STN1: variants seen among roughly 807,000 people sequenced by gnomAD.
The protein encoded by STN1 is CST complex subunit STN1.
A neutral mutation model predicts 45.5 loss-of-function variants in STN1; 29 were observed. The ratio of observed to expected loss-of-function variants is 0.64; its 90% CI spans 0.47 to 0.87. The LOEUF (loss-of-function observed/expected upper bound fraction) is 0.87, where lower values mean the gene tolerates loss of function less well. STN1 is among the 40% of genes least tolerant of loss of function. The probability of loss-of-function intolerance (pLI) is 0.00; values close to 1 mark genes in which losing one functional copy is unlikely to be tolerated. For missense variants in STN1, 376 were observed against 441.4 expected (o/e 0.85, Z 1.33); for synonymous variants, 148 against 159.0 (o/e 0.93, Z 0.52).
rs766902785 is a variant in STN1 at position 103,882,771 on chromosome 10, GCTCA to G, written c.1016_1019del (p.Leu339ProfsTer73). 6.2e-7 allele frequency: 1 copy of G among 1,614,044 alleles called. No individual in the cohort carries two copies. Among genetic ancestry groups the G allele is most frequent in the Non-Finnish European group, 8.5e-7 (1 of 1,180,056 alleles). Reference sequence around the variant, plus strand: ...CCAGAACTTGCTGCAGCACAGCCTCGCTCAGGCCCGGGCGGATGCTCAGGCGAGC... The same window carrying G: ...CCAGAACTTGCTGCAGCACAGCCTCGGGCCCGGGCGGATGCTCAGGCGAGC... On this transcript the variant is annotated frameshift_variant, in exon 10 of 10. Transcript: ENST00000224950. LOFTEE classifies it high-confidence loss of function.
intron 7 of STN1, among the ~76,000 whole-genome samples, chr10:103,896,932 G>A (rs1001615822): frequency 6.6e-6 from 1 of 152,110 alleles, no homozygotes; most frequent in African/African-American, 2.4e-5. Flanking sequence ...TCATTGAGAT[G>A]GATGTTTAAT....
chr10:103,883,473 C>G (rs1843084198), intron 9 of STN1, among the ~76,000 whole-genome samples: 1 of 152,044 alleles, frequency 6.6e-6, no homozygotes, highest in Non-Finnish European at 1.5e-5. Context: ...TAGTTGAAAT[C>G]AATGACTTAA....
At chr10:103,916,162 C>T (rs1843329711) in intron 2 of STN1, among the ~76,000 whole-genome samples, 2 of 152,204 alleles carry the variant, frequency 1.3e-5, no homozygotes, top group Admixed American at 1.3e-4. Flanking sequence ...TGGAAACATT[C>T]TCACCAGTGA....
At chr10:103,900,021 C>A in intron 5 of STN1, 41 bp downstream of exon 5, 2 of 1,600,328 alleles carry the variant, frequency 1.2e-6, no homozygotes, top group Non-Finnish European at 1.7e-6. Context: ...GGACGCACAT[C>A]CAGAAAAACC....
chr10:103,892,364 G>A, intron 7 of STN1, 112 bp from the exon 8 acceptor site: 1 of 951,472 alleles, frequency 1.1e-6, no homozygotes, highest in East Asian at 2.6e-5. Flanking sequence ...CCTTTTAACT[G>A]CTGAGTCAAA....
rs989811396 is a variant in STN1 at position 103,899,094 on chromosome 10, A to G, written c.458-94T>C. The G allele has an allele frequency of 7.9e-6, 11 of 1,389,616 alleles. No individual in the cohort carries two copies. In the African/African-American group the frequency reaches 1.4e-4, roughly 18 times the overall value. The allele number at this position is 1,389,616 out of a possible 1,614,324, so 86.1% of individuals were successfully genotyped here. On this transcript the variant is annotated intron_variant, in intron 5 of 9. Transcript: ENST00000224950. ...CCCAAACTGCTGCTAAGACAACAGT[A>G]AATGAGGTGCTGGGTGGGCCTCCTT...
chr10:103,902,126 C>T (rs929877028), intron 4 of STN1, among the ~76,000 whole-genome samples: 10 of 152,078 alleles, frequency 6.6e-5, no homozygotes, highest in African/African-American at 2.4e-4. Flanking sequence ...TCCTTGAACA[C>T]ACCTACTATA....
At chr10:103,887,034 A>G (rs939145557) in intron 9 of STN1, among the ~76,000 whole-genome samples, 2 of 152,250 alleles carry the variant, frequency 1.3e-5, no homozygotes, top group African/African-American at 4.8e-5. Context: ...AGACACTCAT[A>G]AATGACTTCA....
In STN1 at chr10:103,880,407, C is replaced by T. The variant is rs1157875201; in HGVS notation, c.*2277G>A. Among the ~76,000 whole-genome samples the T allele has an allele frequency of 6.6e-6, 1 of 152,206 alleles. No individual in the cohort carries two copies. Among genetic ancestry groups the T allele is most frequent in the African/African-American group, 2.4e-5 (1 of 41,462 alleles). ...CCCACTCTGCGTGGTGGGTTTCATC[C>T]AGGACCAGCAATCTGGTCTTTTAGC... On this transcript the variant is annotated 3_prime_UTR_variant, in exon 10 of 10. Transcript: ENST00000224950.
chr10:103,912,634 A>G (rs1479396025), intron 2 of STN1, among the ~76,000 whole-genome samples: 1 of 152,204 alleles, frequency 6.6e-6, no homozygotes, highest in Non-Finnish European at 1.5e-5. Context: ...CTGTGTGCAG[A>G]GCAGGGCTGA....
intron 3 of STN1, among the ~76,000 whole-genome samples, chr10:103,908,467 A>G (rs867222099): frequency 4.6e-5 from 7 of 152,196 alleles, no homozygotes; most frequent in African/African-American, 1.7e-4. Flanking sequence ...AAGCACCCCC[A>G]GCACAGGCCT....
chr10:103,899,915 A>G (rs1843195681), intron 5 of STN1, 147 bp downstream of exon 5: 2 of 590,808 alleles, frequency 3.4e-6, no homozygotes. Context: ...TTTTCTAAAG[A>G]AAGCATGTTA....
In STN1 at chr10:103,889,058, A is replaced by C; in HGVS notation, c.949+14T>G. The C allele has an allele frequency of 6.3e-7, 1 of 1,592,668 alleles. No individual in the cohort carries two copies. The highest frequency in any genetic ancestry group is 8.6e-7 in the Non-Finnish European group (1 of 1,160,460). The stretch of plus-strand genomic sequence containing the variant: ...CAGGGCACCAGGGCATCACTTGTAC[A>C]TTATACCACTTACGATTTGGTTTCT... On this transcript the variant is annotated intron_variant, in intron 9 of 9. Transcript: ENST00000224950.
Position 103,882,792 on chromosome 10 carries a change from CA to C in STN1, c.998del (p.Leu333ArgfsTer7). ...HFLHILACARLSIRPGLSEAV... is the reference protein window; with the variant it reads ...HFLHILACARXSIRPGLSEAV... ...CCTCGCTCAGGCCCGGGCGGATGCT[CA>C]GGCGAGCACAGGCCAAGATGTGCAG... On this transcript the variant is annotated frameshift_variant, in exon 10 of 10. Coordinates refer to ENST00000224950, the MANE Select transcript of STN1 (RefSeq NM_024928.5). LOFTEE classifies it high-confidence loss of function. The C allele has an allele frequency of 6.2e-7, 1 of 1,614,102 alleles. No homozygotes were observed. The highest frequency in any genetic ancestry group is 1.3e-5 in the African/African-American group (1 of 75,044).
At chr10:103,900,572 C>G (rs760474597) in intron 4 of STN1, among the ~76,000 whole-genome samples, 1 of 152,108 alleles carries the variant, frequency 6.6e-6, no homozygotes, top group Non-Finnish European at 1.5e-5. Context: ...TTCAGCTGGG[C>G]GTGGCAGCAA....
rs1843188792 is a variant in STN1, at chr10:103,898,867, C to T, written c.581+10G>A. On this transcript the variant is annotated intron_variant, in intron 6 of 9. Coordinates refer to ENST00000224950, the MANE Select transcript of STN1 (RefSeq NM_024928.5). ...GGTCACGTGCTCAGCAGTGATAAGT[C>T]ACCACTTACCTTAGTGCCTCTTCTT... 4 of 1,613,458 alleles carry T rather than the reference C, an allele frequency of 2.5e-6. No homozygotes were observed. The highest frequency in any genetic ancestry group is 2.5e-6 in the Non-Finnish European group (3 of 1,179,862).
At chr10:103,888,862 AT>A (rs1843120097) in intron 9 of STN1, among the ~76,000 whole-genome samples, 1 of 152,196 alleles carries the variant, frequency 6.6e-6, no homozygotes, top group Admixed American at 6.5e-5. Context: ...GTTGAATCTT[AT>A]GTACAGCCAA....
intron 2 of STN1, among the ~76,000 whole-genome samples, chr10:103,912,156 A>T (rs907458217): frequency 6.6e-6 from 1 of 151,932 alleles, no homozygotes; most frequent in Non-Finnish European, 1.5e-5. Context: ...CATCCAGGAA[A>T]ACTTGGATTG....
At chr10:103,889,344 T>G (rs1269897222) in intron 8 of STN1, among the ~76,000 whole-genome samples, 200 bp from the exon 9 acceptor site, 1 of 152,166 alleles carries the variant, frequency 6.6e-6, no homozygotes, top group African/African-American at 2.4e-5. Flanking sequence ...GGGAGTTGGT[T>G]CATTGGGGCA....
Sources: gnomAD v4.1 joint callset for allele counts (sites outside exome capture counted in the v4.1 genomes callset) on GRCh38, gnomAD v4.1.1 for gene constraint, MANE v1.5 for transcripts, NCBI Gene and HGNC (gene_info 2026-07-23, HGNC 2026-07-21) for gene names.